The following TSHZ2 variants were observed in gnomAD, a reference collection of about 807,000 sequenced individuals.
TSHZ2 encodes teashirt zinc finger homeobox 2.
A neutral mutation model predicts 74.4 loss-of-function variants in TSHZ2; 21 were observed. That is an observed-to-expected ratio of 0.28 (90% CI 0.20 to 0.41). TSHZ2 has a LOEUF of 0.41. Among genes scored for constraint, TSHZ2 ranks in the 10% least tolerant of loss-of-function variants. TSHZ2 has a pLI of 1.00. For missense variants in TSHZ2, 1,244 were observed against 1,293.5 expected (o/e 0.96, Z 0.59); for synonymous variants, 540 against 515.3 (o/e 1.05, Z -0.65).
In TSHZ2 at chr20:53,254,798, G is replaced by A; in HGVS notation, c.1340G>A (p.Ser447Asn). ...NSDSLAPKPSSNSASDCTAST... is the reference protein window; with the variant it reads ...NSDSLAPKPSNNSASDCTAST... ...GATTCTCTGGCTCCCAAGCCATCCA[G>A]TAACTCAGCATCAGATTGTACAGCC... Residue 447 changes from serine to asparagine, a missense_variant, in exon 2 of 3, where the codon AGT becomes AAT. Coordinates refer to ENST00000371497, the MANE Select transcript of TSHZ2 (RefSeq NM_173485.6). 1 of 1,613,528 alleles carries A rather than the reference G, an allele frequency of 6.2e-7. No homozygotes were observed. Among genetic ancestry groups the A allele is most frequent in the Non-Finnish European group, 8.5e-7 (1 of 1,179,708 alleles).
intron 2 of TSHZ2, among the ~76,000 whole-genome samples, chr20:53,466,267 A>T (rs1300472067): frequency 6.6e-6 from 1 of 151,970 alleles, no homozygotes; most frequent in Non-Finnish European, 1.5e-5. Context: ...AAATAAAAAA[A>T]AAAAAAGAAA....
chr20:53,429,821 T>TTGTGTGTGTGTGTGTG (rs145356694), intron 2 of TSHZ2, among the ~76,000 whole-genome samples: 10 of 151,624 alleles, frequency 6.6e-5, no homozygotes, highest in African/African-American at 2.2e-4. Context: ...GCATATTCAA[T>TTGTGTGTGTGTGTGTG]TGTGTGTGTG....
At position 53,256,256 on chromosome 20, in the gene TSHZ2, C is replaced by G; in HGVS notation, c.2798C>G (p.Ser933Cys). The change falls in exon 2 of 3, where the codon TCC becomes TGC. Residue 933 changes from serine (S) to cysteine (C), a missense_variant. This residue lies in a region of TSHZ2 where 185 missense variants were observed against 213.3 expected (regional missense o/e 0.87). Transcript: ENST00000371497. The surrounding 1 kb of genome is among the most constrained non-coding windows in gnomAD (Gnocchi z 4.3). ...ATCTTTTATTGCAGTGACTGTGCCT[C>G]CCAGTTCAGAACCCCTTCTACCTAC... ...HPIFYCSDCASQFRTPSTYIS... is the reference protein window; with the variant it reads ...HPIFYCSDCACQFRTPSTYIS... The G allele has an allele frequency of 6.2e-7, 1 of 1,614,068 alleles. No homozygotes were observed. The highest frequency in any genetic ancestry group is 8.5e-7 in the Non-Finnish European group (1 of 1,179,972).
Position 53,492,069 on chromosome 20 carries a change from A to C in TSHZ2, c.*4934A>C, listed in dbSNP as rs1986462153. On this transcript the variant is annotated 3_prime_UTR_variant, in exon 3 of 3. Coordinates refer to ENST00000371497, the MANE Select transcript of TSHZ2 (RefSeq NM_173485.6). ...CAAAAAATTTGAACAAAGGCATTAC[A>C]AAAAAAAAAAAAAAACTAACCACTC... The C allele has an allele frequency of 3.6e-5, 1 of 28,058 alleles. No individual in the cohort carries two copies. The highest frequency in any genetic ancestry group is 1.5e-4 in the African/African-American group (1 of 6,540). 1.7% of individuals were successfully genotyped at this position (28,058 alleles called of 1,614,324 possible). A position where few individuals can be genotyped will look rare whatever the true frequency, so the allele number is the denominator to read the frequency against.
chr20:53,010,897 A>G (rs918041483), intron 1 of TSHZ2, among the ~76,000 whole-genome samples: 3 of 152,170 alleles, frequency 2.0e-5, no homozygotes, highest in African/African-American at 4.8e-5. Flanking sequence ...TCCCTAGAAA[A>G]ATTTTATTTT....
Position 53,255,452 on chromosome 20 carries a change from A to G in TSHZ2, c.1994A>G (p.Glu665Gly). 6.2e-7 allele frequency: 1 copy of G among 1,611,010 alleles called. No individual in the cohort carries two copies. The highest frequency in any genetic ancestry group is 8.5e-7 in the Non-Finnish European group (1 of 1,179,880). ...CTGATGAAAGAGGGCAGCGAGAAGG[A>G]GAAACCCCAGCCCCTGGAGCCCACA... ...EKLMKEGSEK[E>G]KPQPLEPTSA... The change falls in exon 2 of 3, where the codon GAG becomes GGG. Residue 665 changes from glutamate to glycine, a missense_variant. Transcript: ENST00000371497. The surrounding 1 kb of genome is among the most constrained non-coding windows in gnomAD (Gnocchi z 4.1).
At position 53,261,603 on chromosome 20, in the gene TSHZ2, G is replaced by A. The variant is rs550148213; in HGVS notation, c.*8+5032G>A. 7.7e-4 allele frequency among the ~76,000 whole-genome samples: 117 copies of A among 152,274 alleles called. 2 individuals carry two copies. The South Asian group carries it at 0.014, about 18-fold the overall frequency. On this transcript the variant is annotated intron_variant, in intron 2 of 2. Coordinates refer to ENST00000371497, the MANE Select transcript of TSHZ2 (RefSeq NM_173485.6). ...TTTCAAAAATATTTGGCTTAACTCC[G>A]TCTATGCATCTCAGCCTCCATTGCA...
At chr20:53,051,495 AATTCAGGTGGATTTG>A (rs1984468327) in intron 1 of TSHZ2, among the ~76,000 whole-genome samples, 1 of 148,160 alleles carries the variant, frequency 6.7e-6, no homozygotes, top group Non-Finnish European at 1.5e-5. Flanking sequence ...ACACACACAC[AATTCAGGTGGATTTG>A]CACTGGAGCC....
At chr20:52,980,945 C>T (rs957721805) in intron 1 of TSHZ2, among the ~76,000 whole-genome samples, 8 of 151,976 alleles carry the variant, frequency 5.3e-5, no homozygotes, top group Non-Finnish European at 1.2e-4. Context: ...CTTTTATACC[C>T]CAGAGAGATA....
intron 2 of TSHZ2, among the ~76,000 whole-genome samples, chr20:53,420,378 G>A (rs961326000): frequency 3.3e-5 from 5 of 152,182 alleles, no homozygotes; most frequent in African/African-American, 1.2e-4. Flanking sequence ...AATTTGGATT[G>A]TTAGAGAAAA....
chr20:53,043,933 C>G (rs1009874196), intron 1 of TSHZ2, among the ~76,000 whole-genome samples: 10 of 152,126 alleles, frequency 6.6e-5, no homozygotes, highest in Non-Finnish European at 1.3e-4. Context: ...AAAGAAAAAG[C>G]ACTGAGCTAT....
chr20:53,015,875 G>C (rs1415222079), intron 1 of TSHZ2, among the ~76,000 whole-genome samples: 1 of 152,148 alleles, frequency 6.6e-6, no homozygotes, highest in African/African-American at 2.4e-5. Context: ...CCAGTGTTCA[G>C]GGGGCTGAAA....
intron 1 of TSHZ2, among the ~76,000 whole-genome samples, chr20:53,091,791 C>T (rs142398335): frequency 6.6e-6 from 1 of 152,244 alleles, no homozygotes; most frequent in Non-Finnish European, 1.5e-5. Flanking sequence ...CCTGTAATCC[C>T]AGTACTTTGG....
intron 2 of TSHZ2, among the ~76,000 whole-genome samples, chr20:53,402,916 G>C (rs1396352735): frequency 1.3e-5 from 2 of 152,124 alleles, no homozygotes; most frequent in Admixed American, 1.3e-4. Flanking sequence ...CAGCTCCCAG[G>C]GCTGCCTCAA....
chr20:53,156,371 G>T (rs1037194281), intron 1 of TSHZ2, among the ~76,000 whole-genome samples: 5 of 152,140 alleles, frequency 3.3e-5, no homozygotes, highest in African/African-American at 1.2e-4. Context: ...GCCTTCTTTG[G>T]TTATCTTATT....
intron 1 of TSHZ2, among the ~76,000 whole-genome samples, chr20:53,095,966 C>G (rs911964189): frequency 3.3e-5 from 5 of 152,118 alleles, no homozygotes; most frequent in Non-Finnish European, 5.9e-5. Flanking sequence ...GGGTTTGAAG[C>G]CTTCATTTTA....
At chr20:53,095,032 A>G (rs933003507) in intron 1 of TSHZ2, among the ~76,000 whole-genome samples, 22 of 152,236 alleles carry the variant, frequency 1.4e-4, no homozygotes, top group African/African-American at 1.9e-4. Flanking sequence ...GCCTCTTCCA[A>G]TTACAGCAGG....
At chr20:53,100,763 A>C (rs1280758433) in intron 1 of TSHZ2, among the ~76,000 whole-genome samples, 1 of 152,074 alleles carries the variant, frequency 6.6e-6, no homozygotes, top group Non-Finnish European at 1.5e-5. Flanking sequence ...TTATTGAACA[A>C]CCTCTGGACA....
chr20:53,048,567 T>C (rs1452526042), intron 1 of TSHZ2, among the ~76,000 whole-genome samples: 1 of 152,114 alleles, frequency 6.6e-6, no homozygotes, highest in Non-Finnish European at 1.5e-5. Flanking sequence ...CTTCAACACC[T>C]ACCACCAGCT....
Sources: allele counts gnomAD v4.1 joint callset (sites outside exome capture counted in the v4.1 genomes callset), GRCh38; gene constraint gnomAD v4.1.1; regional missense constraint gnomAD v4.1.1; non-coding constraint Gnocchi (gnomAD v3.1); transcripts MANE v1.5; gene names NCBI Gene and HGNC (gene_info 2026-07-23, HGNC 2026-07-21).